TMEM161B: variants seen among roughly 807,000 people sequenced by gnomAD.
TMEM161B encodes the protein transmembrane protein 161B.
A neutral mutation model predicts 61.8 loss-of-function variants in TMEM161B; 34 were observed. That is an observed-to-expected ratio of 0.55 (90% confidence interval 0.42 to 0.73). TMEM161B has a LOEUF of 0.73. Among genes scored for constraint, TMEM161B ranks in the 30% least tolerant of loss-of-function variants. TMEM161B has a pLI of 0.00. For synonymous variants in TMEM161B, 167 were observed against 192.8 expected (o/e 0.87, Z 1.11); for missense variants, 456 against 558.5 (o/e 0.82, Z 1.85).
At chr5:88,226,986 G>A (rs955857316) in intron 3 of TMEM161B, among the ~76,000 whole-genome samples, 2 of 152,008 alleles carry the variant, frequency 1.3e-5, no homozygotes, top group African/African-American at 4.8e-5. Flanking sequence ...AACTAGCTGG[G>A]TATGGTGTTG....
intron 1 of TMEM161B, among the ~76,000 whole-genome samples, chr5:88,250,216 C>T (rs1025818306): frequency 3.3e-5 from 5 of 150,882 alleles, no homozygotes; most frequent in Non-Finnish European, 5.9e-5. Context: ...AGAGAGAGAC[C>T]GAGACCAGAA....
chr5:88,257,418 AAAGCC>A (rs1755125990), intron 1 of TMEM161B, among the ~76,000 whole-genome samples: 1 of 152,248 alleles, frequency 6.6e-6, no homozygotes, highest in Non-Finnish European at 1.5e-5. Flanking sequence ...GCCATACACA[AAAGCC>A]AAGAAAATTT....
intron 6 of TMEM161B, 145 bp from the exon 7 acceptor site, chr5:88,206,644 T>C (rs960424302): frequency 2.5e-6 from 2 of 792,570 alleles, no homozygotes; most frequent in African/African-American, 3.5e-5. Context: ...TTAATTAGTA[T>C]GCCATAATGC....
downstream of TMEM161B, among the ~76,000 whole-genome samples, chr5:88,190,953 C>T (rs1218625345): frequency 2.0e-5 from 3 of 152,174 alleles, no homozygotes; most frequent in African/African-American, 7.2e-5. Context: ...CTGCTAAAAA[C>T]ATATTGTTTT....
intron 3 of TMEM161B, among the ~76,000 whole-genome samples, chr5:88,227,956 A>G (rs1460392868): frequency 1.3e-5 from 2 of 152,204 alleles, no homozygotes; most frequent in East Asian, 3.9e-4. Context: ...ATTAGTAGGT[A>G]GTTCTCTTCA....
chr5:88,250,392 C>G (rs1477673895), intron 1 of TMEM161B, among the ~76,000 whole-genome samples: 2 of 152,026 alleles, frequency 1.3e-5, no homozygotes, highest in African/African-American at 4.8e-5. Flanking sequence ...CTATAAAAAG[C>G]CTATCATTAA....
chr5:88,245,599 T>A (rs79226129), intron 1 of TMEM161B, among the ~76,000 whole-genome samples: 3 of 151,984 alleles, frequency 2.0e-5, no homozygotes, highest in African/African-American at 7.2e-5. Context: ...TAAAAGTATA[T>A]GATTTCTGCT....
At chr5:88,261,670 GAAA>G (rs376436239) in intron 1 of TMEM161B, among the ~76,000 whole-genome samples, 1 of 25,744 alleles carries the variant, frequency 3.9e-5, no homozygotes, top group African/African-American at 1.3e-4. Flanking sequence ...ATACAATGGA[GAAA>G]AAAAAAAAAC....
At chr5:88,243,405 T>C (rs1753063038) in intron 1 of TMEM161B, among the ~76,000 whole-genome samples, 1 of 151,848 alleles carries the variant, frequency 6.6e-6, no homozygotes. Flanking sequence ...CCATGTTGCT[T>C]CAAAGGAAAT....
intron 2 of TMEM161B, among the ~76,000 whole-genome samples, chr5:88,237,146 GATA>G (rs1391604823): frequency 6.6e-6 from 1 of 152,146 alleles, no homozygotes; most frequent in Non-Finnish European, 1.5e-5. Flanking sequence ...TAAAAATGGA[GATA>G]ATATCACCTA....
intron 2 of TMEM161B, among the ~76,000 whole-genome samples, chr5:88,230,817 G>A (rs1338289153): frequency 6.6e-6 from 1 of 152,134 alleles, no homozygotes; most frequent in Non-Finnish European, 1.5e-5. Flanking sequence ...CAAGAGTGTA[G>A]AAGTATCTTT....
At chr5:88,210,294 G>T (rs1269010149) in intron 5 of TMEM161B, among the ~76,000 whole-genome samples, 1 of 152,092 alleles carries the variant, frequency 6.6e-6, no homozygotes, top group Non-Finnish European at 1.5e-5. Context: ...AAAAATATGG[G>T]AATGTATACA....
intron 9 of TMEM161B, chr5:88,200,174 T>C (rs957673339): frequency 1.3e-5 from 2 of 151,800 alleles, no homozygotes; most frequent in Non-Finnish European, 2.9e-5. Context: ...GTTTATGAAA[T>C]GGAGGTAAGA....
At chr5:88,196,589 G>A in intron 11 of TMEM161B, 101 bp from the exon 12 acceptor site, 1 of 1,163,584 alleles carries the variant, frequency 8.6e-7, no homozygotes, top group Non-Finnish European at 1.2e-6. Flanking sequence ...AATATGTTTA[G>A]TGGCACAGTA....
In TMEM161B at chr5:88,207,110, T is replaced by C. The variant is rs2112423299; in HGVS notation, c.517A>G (p.Thr173Ala). ...TTGACAAAGAAAAAAAATCCAAAGG[T>C]GACACAAACAGATCTTTCACCACCA... ...EDGGERSVCV[T>A]FGFFFFVKAM... is the part of the protein sequence containing the mutation. Residue 173 changes from threonine to alanine, a missense_variant, in exon 6 of 12, where the codon ACC becomes GCC. By Grantham distance (58) the Thr-to-Ala change is moderately conservative. This residue lies in a region of TMEM161B where 367 missense variants were observed against 427.3 expected (regional missense o/e 0.86). Coordinates refer to ENST00000296595, the MANE Select transcript of TMEM161B (RefSeq NM_153354.5). 6.2e-7 allele frequency: 1 copy of C among 1,613,172 alleles called. No homozygotes were observed. Among genetic ancestry groups the C allele is most frequent in the Non-Finnish European group, 8.5e-7 (1 of 1,179,540 alleles).
At chr5:88,226,563 CT>C (rs1750084845) in intron 3 of TMEM161B, among the ~76,000 whole-genome samples, 1 of 152,120 alleles carries the variant, frequency 6.6e-6, no homozygotes, top group Non-Finnish European at 1.5e-5. Context: ...GTAGCTGGGA[CT>C]ACAGGTACAC....
At chr5:88,226,608 A>G (rs997014310) in intron 3 of TMEM161B, among the ~76,000 whole-genome samples, 4 of 152,178 alleles carry the variant, frequency 2.6e-5, no homozygotes, top group African/African-American at 9.7e-5. Context: ...AGTTTTAATA[A>G]TATTAATTTC....
At chr5:88,250,609 CAGG>C (rs1754212583) in intron 1 of TMEM161B, 1 of 152,150 alleles carries the variant, frequency 6.6e-6, no homozygotes, top group South Asian at 2.1e-4. Flanking sequence ...CCAACCAGAA[CAGG>C]AGAAGGAAGA....
chr5:88,233,330 A>G (rs1004656866), intron 2 of TMEM161B, among the ~76,000 whole-genome samples: 9 of 152,238 alleles, frequency 5.9e-5, no homozygotes, highest in Admixed American at 5.9e-4. Flanking sequence ...TGAGACATTT[A>G]ACCAGCAACC....
Sources: allele counts gnomAD v4.1 joint callset (sites outside exome capture counted in the v4.1 genomes callset), GRCh38; gene constraint gnomAD v4.1.1; regional missense constraint gnomAD v4.1.1; transcripts MANE v1.5; gene names NCBI Gene and HGNC (gene_info 2026-07-23, HGNC 2026-07-21).